ENOX1: variants seen among roughly 807,000 people sequenced by gnomAD.
ENOX1 encodes ecto-NOX disulfide-thiol exchanger 1.
ENOX1 carries 42 observed loss-of-function variants against 82.5 expected under a neutral mutation model. The observed-to-expected ratio is 0.51, with a 90% confidence interval of 0.40 to 0.66. The LOEUF (loss-of-function observed/expected upper bound fraction) is 0.66. Ranked by LOEUF, ENOX1 falls within the 30% of genes least tolerant of loss-of-function variation. The probability of loss-of-function intolerance (pLI) is 0.00; values close to 1 mark genes in which losing one functional copy is unlikely to be tolerated. For missense variants in ENOX1, 608 were observed against 811.6 expected, an observed-to-expected ratio of 0.75 and a Z score of 3.05; for synonymous variants, 271 against 282.2, an observed-to-expected ratio of 0.96 and a Z score of 0.40.
At chr13:43,664,509 T>C (rs1594318986) in intron 2 of ENOX1, among the ~76,000 whole-genome samples, 1 of 152,342 alleles carries the variant, frequency 6.6e-6, no homozygotes, top group East Asian at 1.9e-4. Flanking sequence ...GCTGAATTAC[T>C]AGAATATAAT....
At chr13:43,426,254 C>T (rs568548660) in intron 3 of ENOX1, among the ~76,000 whole-genome samples, 1 of 152,102 alleles carries the variant, frequency 6.6e-6, no homozygotes, top group Non-Finnish European at 1.5e-5. Context: ...TTAAAGAATA[C>T]AGATGAGAGA....
chr13:43,275,797 C>T (rs190949739), intron 12 of ENOX1, among the ~76,000 whole-genome samples: 2 of 152,274 alleles, frequency 1.3e-5, no homozygotes, highest in African/African-American at 4.8e-5. Context: ...CCTCTAGATG[C>T]TGGGTCACAA....
intron 2 of ENOX1, among the ~76,000 whole-genome samples, chr13:43,554,826 TG>T (rs1476028105): frequency 6.6e-6 from 1 of 152,182 alleles, no homozygotes; most frequent in Non-Finnish European, 1.5e-5. Context: ...GCAATCCATC[TG>T]CTTCAGCCTC....
At chr13:43,741,915 T>C (rs1949761015) in intron 1 of ENOX1, among the ~76,000 whole-genome samples, 1 of 152,244 alleles carries the variant, frequency 6.6e-6, no homozygotes, top group Non-Finnish European at 1.5e-5. Context: ...AATTTTTGCA[T>C]ATGGTATAAG....
At chr13:43,387,866 A>C (rs956861725) in intron 5 of ENOX1, among the ~76,000 whole-genome samples, 1 of 152,152 alleles carries the variant, frequency 6.6e-6, no homozygotes, top group Non-Finnish European at 1.5e-5. Context: ...AACATTTGAC[A>C]AGGATTCATA....
chr13:43,352,849 C>T (rs761481363), intron 8 of ENOX1, among the ~76,000 whole-genome samples: 7 of 152,168 alleles, frequency 4.6e-5, no homozygotes, highest in South Asian at 2.1e-4. Context: ...ACTGCCCATC[C>T]GGGCTGGCTA....
chr13:43,777,067 A>C (rs1257760810), intron 1 of ENOX1, among the ~76,000 whole-genome samples: 4 of 152,242 alleles, frequency 2.6e-5, no homozygotes, highest in African/African-American at 7.2e-5. Flanking sequence ...AGCTCCTTTT[A>C]CAATAGGCAT....
intron 2 of ENOX1, among the ~76,000 whole-genome samples, chr13:43,649,318 C>A (rs780432025): frequency 6.6e-6 from 1 of 152,156 alleles, no homozygotes; most frequent in Admixed American, 6.5e-5. Flanking sequence ...CCCAGACACA[C>A]GCAAACAATG....
chr13:43,411,012 A>G (rs1035650360), intron 5 of ENOX1, among the ~76,000 whole-genome samples: 1 of 152,168 alleles, frequency 6.6e-6, no homozygotes, highest in African/African-American at 2.4e-5. Context: ...TGAATGAGTG[A>G]GTGAATATAC....
intron 5 of ENOX1, chr13:43,394,377 A>G (rs1238389011): frequency 6.6e-6 from 1 of 152,230 alleles, no homozygotes; most frequent in Non-Finnish European, 1.5e-5. Context: ...AATAAGCAAG[A>G]GTGCCTGGAG....
chr13:43,681,739 G>A (rs1331287320), intron 1 of ENOX1, among the ~76,000 whole-genome samples: 1 of 146,826 alleles, frequency 6.8e-6, no homozygotes, highest in African/African-American at 2.5e-5. Context: ...ACACTATCAG[G>A]AGGCACTTAA....
intron 12 of ENOX1, among the ~76,000 whole-genome samples, chr13:43,285,098 G>A (rs1368839487): frequency 1.3e-5 from 2 of 152,166 alleles, no homozygotes; most frequent in African/African-American, 4.8e-5. Flanking sequence ...ACCAGATTGG[G>A]CACTAACTTG....
At chr13:43,616,798 G>A (rs2082498356) in intron 2 of ENOX1, among the ~76,000 whole-genome samples, 1 of 152,004 alleles carries the variant, frequency 6.6e-6, no homozygotes, top group African/African-American at 2.4e-5. Flanking sequence ...GAGGTGGGGA[G>A]GTACTAGAGG....
At chr13:43,482,993 T>C (rs2058565202) in intron 3 of ENOX1, among the ~76,000 whole-genome samples, 1 of 152,128 alleles carries the variant, frequency 6.6e-6, no homozygotes, top group African/African-American at 2.4e-5. Context: ...GTGGGAAAAC[T>C]GGAGTCTAGC....
chr13:43,588,806 T>C (rs1283367251), intron 2 of ENOX1, among the ~76,000 whole-genome samples: 2 of 152,238 alleles, frequency 1.3e-5, no homozygotes, highest in South Asian at 2.1e-4. Context: ...CTTCATTCTA[T>C]GGCCCCAGCA....
At chr13:43,380,536 G>C (rs2051967214) in intron 5 of ENOX1, among the ~76,000 whole-genome samples, 1 of 151,566 alleles carries the variant, frequency 6.6e-6, no homozygotes, top group African/African-American at 2.4e-5. Flanking sequence ...CAATTATTAA[G>C]ATTGATTTTA....
rs552912457 is a variant in ENOX1 at position 43,497,306 on chromosome 13, T to C, written c.-218-13154A>G. On this transcript the variant is annotated intron_variant, in intron 2 of 16. Transcript: ENST00000690772. The stretch of plus-strand genomic sequence containing the variant: ...ATTGGTTAGGACCTCCAGTACAATG[T>C]TGAACTGGTGAGAGTGAACACCCAC... Among the ~76,000 whole-genome samples, 10 of 152,282 alleles carry C rather than the reference T, an allele frequency of 6.6e-5. No individual in the cohort carries two copies. In the South Asian group the frequency reaches 1.5e-3, roughly 22 times the overall value.
chr13:43,558,589 G>T (rs1470617056), intron 2 of ENOX1, among the ~76,000 whole-genome samples: 1 of 152,094 alleles, frequency 6.6e-6, no homozygotes, highest in Non-Finnish European at 1.5e-5. Context: ...AGTTGCTCTG[G>T]CAGGCTTTCA....
Position 43,619,103 on chromosome 13 carries a change from C to T in ENOX1, c.-219+48376G>A, listed in dbSNP as rs183657741. Among the ~76,000 whole-genome samples, 587 of 150,848 alleles carry T rather than the reference C, an allele frequency of 3.9e-3. 1 individual carries two copies. The highest frequency in any genetic ancestry group is 6.5e-3 in the Non-Finnish European group (441 of 67,822). On this transcript the variant is annotated intron_variant, in intron 2 of 16. Coordinates refer to ENST00000690772, the MANE Select transcript of ENOX1 (RefSeq NM_001347969.2). ...ATATTAATCTTGTATCTGGAAACTT[C>T]GCTGGATTCTTTTATCAGTTCTAGA...
Sources: gnomAD v4.1 joint callset for allele counts (sites outside exome capture counted in the v4.1 genomes callset) on GRCh38, gnomAD v4.1.1 for gene constraint, MANE v1.5 for transcripts, NCBI Gene and HGNC (gene_info 2026-07-23, HGNC 2026-07-21) for gene names.